The following PCDHA7 variants were observed in gnomAD, a reference collection of about 807,000 sequenced individuals.
The protein encoded by PCDHA7 is protocadherin alpha 7, also known as protocadherin alpha-7.
Under a neutral mutation model 57.2 loss-of-function variants are expected in PCDHA7, and 37 were observed. The observed-to-expected ratio is 0.65, with a 90% CI of 0.50 to 0.85. The LOEUF is 0.85. PCDHA7 is among the 40% of genes least tolerant of loss of function. The pLI is 0.00. For missense variants in PCDHA7, 1,188 were observed against 1,241.8 expected (o/e 0.96, Z 0.65); for synonymous variants, 553 against 558.8 (o/e 0.99, Z 0.15).
At chr5:140,859,768 T>A (rs1469606357) in intron 1 of PCDHA7, 1 of 152,934 alleles carries the variant, frequency 6.5e-6, no homozygotes, top group Non-Finnish European at 1.5e-5. Flanking sequence ...ATACTCTCCA[T>A]GCCCTGTCTC....
intron 1 of PCDHA7, chr5:140,927,592 G>T: frequency 6.2e-7 from 1 of 1,614,170 alleles, no homozygotes; most frequent in Admixed American, 1.7e-5. Context: ...GCCTGTATTT[G>T]AGCGCTCCGT....
chr5:140,880,790 T>C (rs2058480985), intron 1 of PCDHA7, among the ~76,000 whole-genome samples: 1 of 152,190 alleles, frequency 6.6e-6, no homozygotes, highest in African/African-American at 2.4e-5. Flanking sequence ...AGAGGAGTAA[T>C]ATAAATAGGT....
chr5:140,966,234 C>T (rs77272068), intron 1 of PCDHA7: 2,919 of 290,608 alleles, frequency 0.01, 77 homozygotes, highest in African/African-American at 0.056. Context: ...CTTAAAGACC[C>T]GTTAAGCAGG....
chr5:141,006,505 G>A (rs2098276412), intron 3 of PCDHA7, among the ~76,000 whole-genome samples: 2 of 152,020 alleles, frequency 1.3e-5, no homozygotes, highest in African/African-American at 4.8e-5. Flanking sequence ...GAGCCACCGC[G>A]CCTGGCTGTT....
At position 140,997,829 on chromosome 5, in the gene PCDHA7, C is replaced by G. The variant is rs1294994549; in HGVS notation, c.2504-11798C>G. On this transcript the variant is annotated intron_variant, in intron 3 of 3. Transcript: ENST00000525929. ...GCTGTTGGTATCTATGTTTTCTAAA[C>G]AATACAATATACATTCTTATACATA... 2.0e-5 allele frequency among the ~76,000 whole-genome samples: 3 copies of G among 152,190 alleles called. No homozygotes were observed. The East Asian group carries it at 5.8e-4, about 29-fold the overall frequency.
At chr5:140,971,952 C>T (rs782029862) in intron 1 of PCDHA7, among the ~76,000 whole-genome samples, 3 of 152,012 alleles carry the variant, frequency 2.0e-5, no homozygotes, top group Non-Finnish European at 4.4e-5. Context: ...CATCTGACTC[C>T]AAAAACTTTT....
At chr5:140,927,489 C>T (rs147183638) in intron 1 of PCDHA7, 63 of 1,614,126 alleles carry the variant, frequency 3.9e-5, no homozygotes, top group Non-Finnish European at 4.8e-5. Flanking sequence ...GCGCCACCCA[C>T]CTGCTGGTGC....
intron 1 of PCDHA7, among the ~76,000 whole-genome samples, chr5:140,973,733 C>G (rs1273705154): frequency 6.6e-6 from 1 of 152,216 alleles, no homozygotes; most frequent in Non-Finnish European, 1.5e-5. Context: ...GGCATCTGGT[C>G]TAACTCAGAA....
At chr5:140,853,465 C>A in intron 1 of PCDHA7, 2 of 970,762 alleles carry the variant, frequency 2.1e-6, no homozygotes, top group Non-Finnish European at 2.5e-6. Context: ...TTATATGCAT[C>A]TGTAGTTAAC....
chr5:140,861,521 G>T, intron 1 of PCDHA7: 1 of 460,572 alleles, frequency 2.2e-6, no homozygotes, highest in Non-Finnish European at 4.5e-6. Flanking sequence ...TGTGTGGGAG[G>T]ATCTCGGAGT....
intron 1 of PCDHA7, chr5:140,968,973 C>T (rs1404110882): frequency 4.3e-6 from 7 of 1,614,076 alleles, no homozygotes; most frequent in African/African-American, 2.7e-5. Flanking sequence ...CGCTACACTG[C>T]GTATGGCACT....
At chr5:141,000,415 A>T (rs1462372394) in intron 3 of PCDHA7, among the ~76,000 whole-genome samples, 8 of 87,370 alleles carry the variant, frequency 9.2e-5, no homozygotes, top group African/African-American at 2.5e-4. Flanking sequence ...ATATATATAT[A>T]TATATATTTT....
At chr5:140,928,809 GGACCATGGA>G (rs1563109708) in intron 1 of PCDHA7, 1 of 1,614,078 alleles carries the variant, frequency 6.2e-7, no homozygotes, top group Non-Finnish European at 8.5e-7. Flanking sequence ...TAGTGGTTCG[GGACCATGGA>G]GACCCACCAC....
chr5:140,967,870 G>A (rs782622860), intron 1 of PCDHA7: 31 of 1,614,152 alleles, frequency 1.9e-5, no homozygotes, highest in Non-Finnish European at 2.5e-5. Flanking sequence ...TGGTGCTCAC[G>A]GACCTGTATA....
rs114961630 is a variant in PCDHA7 at position 140,926,715 on chromosome 5, G to A, written c.2356-52234G>A. 1,110 of 952,350 alleles carry A rather than the reference G, an allele frequency of 1.2e-3. 9 individuals carry two copies. The African/African-American group carries it at 0.017, about 15-fold the overall frequency. The allele number at this position is 952,350 out of a possible 1,614,324, so 59.0% of individuals were successfully genotyped here. A position where few individuals can be genotyped will look rare whatever the true frequency, so the allele number is the denominator to read the frequency against. On this transcript the variant is annotated intron_variant, in intron 1 of 3. Transcript: ENST00000525929. ...GCCCGGCTCCCAGCTGGCCAGCCCC[G>A]GCAATGCCGGCGTTCGGGAGGCGCA... is the stretch of plus-strand genomic sequence containing the variant.
At chr5:140,843,068 C>G in intron 1 of PCDHA7, 1 of 1,595,216 alleles carries the variant, frequency 6.3e-7, no homozygotes, top group East Asian at 2.2e-5. Context: ...GCTGGTGCCG[C>G]GGTCTGTGGG....
Position 140,836,622 on chromosome 5 carries a change from A to AGCTGGTCATTCTCCCAGCAGAGGCG in PCDHA7, c.2242_2266dup (p.Gln756LeufsTer45), listed in dbSNP as rs2150266108. The AGCTGGTCATTCTCCCAGCAGAGGCG allele has an allele frequency of 1.2e-6, 2 of 1,613,448 alleles. No individual in the cohort carries two copies. The highest frequency in any genetic ancestry group is 1.7e-6 in the Non-Finnish European group (2 of 1,179,692). On this transcript the variant is annotated frameshift_variant, in exon 1 of 4. Transcript: ENST00000525929. LOFTEE classifies it high-confidence loss of function. The stretch of plus-strand genomic sequence containing the variant: ...TCTGGTGTGCTCCAGCGCGGTGGGG[A>AGCTGGTCATTCTCCCAGCAGAGGCG]GCTGGTCATTCTCCCAGCAGAGGCG...
At chr5:140,967,051 G>T in intron 1 of PCDHA7, 12 of 1,612,562 alleles carry the variant, frequency 7.4e-6, no homozygotes, top group Non-Finnish European at 9.3e-6. Context: ...TGGACCTGAC[G>T]AGTGGAGCGC....
At chr5:140,958,759 A>G (rs1254935099) in intron 1 of PCDHA7, among the ~76,000 whole-genome samples, 2 of 152,112 alleles carry the variant, frequency 1.3e-5, no homozygotes, top group African/African-American at 4.8e-5. Flanking sequence ...ATTTTTACCC[A>G]TTTCTGTTTG....
Sources: allele counts gnomAD v4.1 joint callset (sites outside exome capture counted in the v4.1 genomes callset), GRCh38; gene constraint gnomAD v4.1.1; transcripts MANE v1.5; gene names NCBI Gene and HGNC (gene_info 2026-07-23, HGNC 2026-07-21).